SHTN1: variants seen among roughly 807,000 people sequenced by gnomAD.
SHTN1 encodes shootin 1, also known as shootin-1.
In SHTN1, 42 loss-of-function variants were observed where a neutral mutation model predicts 83.1. That is an observed-to-expected ratio of 0.51 (90% CI 0.39 to 0.65). The LOEUF is 0.65. Ranked by LOEUF, SHTN1 falls within the 30% of genes least tolerant of loss-of-function variation. The pLI is 0.00. For missense variants in SHTN1, 622 were observed against 737.8 expected (o/e 0.84, Z 1.82); for synonymous variants, 224 against 247.7 (o/e 0.90, Z 0.90).
intron 1 of SHTN1, among the ~76,000 whole-genome samples, chr10:117,079,123 G>A (rs986615339): frequency 6.6e-6 from 1 of 151,416 alleles, no homozygotes; most frequent in African/African-American, 2.4e-5. Flanking sequence ...CCATGCTGGT[G>A]TGCTGCACCC....
chr10:116,907,490 G>A (rs1293761499), intron 14 of SHTN1, among the ~76,000 whole-genome samples: 1 of 152,168 alleles, frequency 6.6e-6, no homozygotes, highest in African/African-American at 2.4e-5. Context: ...AGAAGACAGA[G>A]GAAGATCCAT....
At chr10:116,978,686 T>C (rs1445681762) in intron 2 of SHTN1, among the ~76,000 whole-genome samples, 1 of 151,986 alleles carries the variant, frequency 6.6e-6, no homozygotes, top group Non-Finnish European at 1.5e-5. Context: ...GTAAGGTAAG[T>C]AGAATTCAAT....
At chr10:117,098,207 T>G (rs745419281) in intron 1 of SHTN1, among the ~76,000 whole-genome samples, 1 of 128,760 alleles carries the variant, frequency 7.8e-6, no homozygotes, top group South Asian at 2.5e-4. Context: ...GCTAACACGG[T>G]GAAATCCCGT....
At chr10:117,014,797 A>T (rs912395550) in intron 2 of SHTN1, among the ~76,000 whole-genome samples, 17 of 152,366 alleles carry the variant, frequency 1.1e-4, no homozygotes, top group African/African-American at 4.1e-4. Context: ...CAAAAATAGG[A>T]ACCTAATTTT....
chr10:116,947,241 G>A lies in SHTN1; in HGVS notation c.616+1675C>T, dbSNP rs79318337. Among the ~76,000 whole-genome samples the A allele has an allele frequency of 7.7e-4, 117 of 152,168 alleles. 1 individual carries two copies. In the East Asian group the frequency reaches 0.021, roughly 27 times the overall value. On this transcript the variant is annotated intron_variant, in intron 7 of 16. Transcript: ENST00000355371. ...ATAATGACAGGACAGAGGGAGTGAC[G>A]ATACCATTAGATATTAGGCACAAGC...
intron 4 of SHTN1, among the ~76,000 whole-genome samples, chr10:116,957,299 G>A (rs1049487609): frequency 4.0e-5 from 6 of 148,592 alleles, no homozygotes; most frequent in Non-Finnish European, 8.9e-5. Context: ...CTGTCACCAG[G>A]TTGGAGTAGA....
intron 1 of SHTN1, among the ~76,000 whole-genome samples, chr10:117,052,021 T>TATATATATATATATATATATAGAA (rs1491406210): frequency 3.7e-5 from 5 of 136,548 alleles, no homozygotes; most frequent in African/African-American, 1.3e-4. Context: ...TATATATATA[T>TATATATATATATATATATATAGAA]AGAAAAGCCT....
chr10:117,038,780 C>T (rs1207070684), intron 2 of SHTN1, among the ~76,000 whole-genome samples: 4 of 152,220 alleles, frequency 2.6e-5, no homozygotes, highest in Admixed American at 1.3e-4. Context: ...ATTTAAAAAA[C>T]GACAACGTGA....
chr10:117,108,205 G>T (rs1239112382), intron 1 of SHTN1, among the ~76,000 whole-genome samples: 4 of 152,044 alleles, frequency 2.6e-5, no homozygotes. Flanking sequence ...TCCCATTACT[G>T]GGTATACACC....
intron 2 of SHTN1, among the ~76,000 whole-genome samples, chr10:117,015,443 T>C (rs1021409610): frequency 3.1e-4 from 47 of 152,290 alleles, no homozygotes; most frequent in Non-Finnish European, 1.3e-4. Flanking sequence ...GCGATTCTCC[T>C]GCTTCAGCCT....
intron 1 of SHTN1, among the ~76,000 whole-genome samples, chr10:117,067,700 G>A (rs551361933): frequency 6.6e-6 from 1 of 152,182 alleles, no homozygotes; most frequent in Admixed American, 6.5e-5. Flanking sequence ...TAGAAATGGT[G>A]AGCATTTAGG....
At chr10:117,032,155 G>A (rs1852424949) in intron 2 of SHTN1, among the ~76,000 whole-genome samples, 1 of 152,134 alleles carries the variant, frequency 6.6e-6, no homozygotes, top group South Asian at 2.1e-4. Context: ...AACAGACAAA[G>A]ACGGTCACTA....
intron 2 of SHTN1, among the ~76,000 whole-genome samples, chr10:117,036,725 G>A (rs2133576979): frequency 6.6e-6 from 1 of 152,002 alleles, no homozygotes; most frequent in South Asian, 2.1e-4. Context: ...AGCACAACAG[G>A]GCTACTAGAG....
chr10:116,953,626 T>TTTTG (rs1849862927), intron 5 of SHTN1, among the ~76,000 whole-genome samples: 1 of 137,446 alleles, frequency 7.3e-6, no homozygotes, highest in African/African-American at 2.6e-5. Context: ...GTGTTTTGTT[T>TTTTG]TTTTTTTTTT....
chr10:116,934,487 G>C (rs796149593), intron 9 of SHTN1, among the ~76,000 whole-genome samples: 2 of 152,186 alleles, frequency 1.3e-5, no homozygotes, highest in African/African-American at 2.4e-5. Flanking sequence ...TAGATGTGTG[G>C]CATTATTTCT....
chr10:116,992,613 T>C (rs532598923), intron 1 of SHTN1, among the ~76,000 whole-genome samples: 3 of 152,208 alleles, frequency 2.0e-5, no homozygotes, highest in Non-Finnish European at 4.4e-5. Flanking sequence ...TCTCTATGCC[T>C]TTGAGATACA....
At chr10:117,084,867 G>A (rs1853326669) in intron 1 of SHTN1, among the ~76,000 whole-genome samples, 1 of 151,568 alleles carries the variant, frequency 6.6e-6, no homozygotes, top group African/African-American at 2.4e-5. Context: ...CGCTTCCCGA[G>A]TGAGGCAATG....
chr10:116,908,843 C>G (rs1848076144), intron 14 of SHTN1, among the ~76,000 whole-genome samples: 1 of 152,114 alleles, frequency 6.6e-6, no homozygotes, highest in Non-Finnish European at 1.5e-5. Context: ...TGAAGGAATC[C>G]ATTTTCCATG....
intron 1 of SHTN1, among the ~76,000 whole-genome samples, chr10:117,049,128 C>T (rs1852707426): frequency 6.6e-6 from 1 of 152,152 alleles, no homozygotes; most frequent in Middle Eastern, 3.2e-3. Flanking sequence ...CAGATTGTAT[C>T]ACAAAAGAGT....
Sources: allele counts gnomAD v4.1 joint callset (sites outside exome capture counted in the v4.1 genomes callset), GRCh38; gene constraint gnomAD v4.1.1; transcripts MANE v1.5; gene names NCBI Gene and HGNC (gene_info 2026-07-23, HGNC 2026-07-21).